Variants in CLIC5 observed in about 807,000 individuals in gnomAD.
CLIC5 encodes the protein CLIC family member 5.
CLIC5 carries 20 observed loss-of-function variants against 24.7 expected under a neutral mutation model. The observed-to-expected ratio is 0.81, with a 90% CI of 0.57 to 1.18. The LOEUF (loss-of-function observed/expected upper bound fraction) is 1.18. Among genes scored for constraint, CLIC5 ranks in the 50% most tolerant of loss-of-function variants. The pLI is 0.00. For missense variants in CLIC5, 341 were observed against 326.1 expected (o/e 1.05, Z -0.35); for synonymous variants, 159 against 135.6 (o/e 1.17, Z -1.20).
the CLIC5 span, among the ~76,000 whole-genome samples, chr6:46,098,401 GA>G: frequency 6.6e-6 from 1 of 152,182 alleles, no homozygotes; most frequent in South Asian, 2.1e-4. Context: ...ACTAGTAAAT[GA>G]AAATGCTACC....
At chr6:45,918,376 G>T (rs1763113093) in intron 4 of CLIC5, among the ~76,000 whole-genome samples, 1 of 152,174 alleles carries the variant, frequency 6.6e-6, no homozygotes, top group Admixed American at 6.5e-5. Context: ...GGGGACTGGG[G>T]AGCCAAGACT....
chr6:46,026,476 C>T (rs967855699), intron 1 of CLIC5, among the ~76,000 whole-genome samples: 4 of 152,048 alleles, frequency 2.6e-5, no homozygotes, highest in African/African-American at 4.8e-5. Flanking sequence ...GCTTTGATTC[C>T]GTTTTTGTCA....
chr6:46,001,520 C>G (rs1352783195), intron 1 of CLIC5, among the ~76,000 whole-genome samples: 1 of 152,122 alleles, frequency 6.6e-6, no homozygotes, highest in Non-Finnish European at 1.5e-5. Flanking sequence ...CTTCAGGCCA[C>G]AGTCCTTCCA....
upstream of CLIC5, among the ~76,000 whole-genome samples, chr6:46,020,634 T>C (rs1467669562): frequency 6.6e-6 from 1 of 151,866 alleles, no homozygotes; most frequent in Admixed American, 6.6e-5. Context: ...TCAATAATAC[T>C]AGAGGCTGGT....
the CLIC5 span, among the ~76,000 whole-genome samples, chr6:46,112,612 C>G: frequency 6.6e-6 from 1 of 152,284 alleles, no homozygotes; most frequent in Non-Finnish European, 1.5e-5. Flanking sequence ...ATTGTATACA[C>G]TTATTAGTAA....
the CLIC5 span, among the ~76,000 whole-genome samples, chr6:46,126,423 T>C: frequency 1.9e-4 from 29 of 152,362 alleles, no homozygotes; most frequent in South Asian, 5.4e-3. Context: ...CACAGCTTTA[T>C]TAAATATTTG....
chr6:45,906,119 T>C (rs1762652970), intron 5 of CLIC5, among the ~76,000 whole-genome samples: 1 of 152,242 alleles, frequency 6.6e-6, no homozygotes, highest in Admixed American at 6.5e-5. Flanking sequence ...TGTAGCCTTA[T>C]AGTGCAGTTT....
Position 46,015,629 on chromosome 6 carries a change from C to G in CLIC5, c.-87G>C. The G allele has an allele frequency of 3.6e-6, 5 of 1,391,018 alleles. No individual in the cohort carries two copies. In the South Asian group the frequency reaches 6.3e-5, roughly 18 times the overall value. 86.2% of individuals were successfully genotyped at this position (1,391,018 alleles called of 1,614,324 possible). ...CCAGCACTCTGCGCTCCTGCCGCTG[C>G]CCAGCGGGGCTCCTCTTCAGGGCGG... On this transcript the variant is annotated 5_prime_UTR_variant, in exon 1 of 6. Coordinates refer to ENST00000339561, the MANE Select transcript of CLIC5 (RefSeq NM_016929.5).
At chr6:46,057,757 C>G (rs2127468616) in intron 1 of CLIC5, among the ~76,000 whole-genome samples, 1 of 152,304 alleles carries the variant, frequency 6.6e-6, no homozygotes, top group Non-Finnish European at 1.5e-5. Context: ...GCCAGGTGCC[C>G]TCATATGTGG....
chr6:46,021,093 A>AC (rs980622383), intron 1 of CLIC5, among the ~76,000 whole-genome samples: 4 of 150,424 alleles, frequency 2.7e-5, no homozygotes, highest in African/African-American at 4.9e-5. Flanking sequence ...CAACTCAAAA[A>AC]AAAAAAAAAA....
At chr6:45,912,595 A>G (rs1317937794) in intron 5 of CLIC5, 4 of 1,449,772 alleles carry the variant, frequency 2.8e-6, no homozygotes, top group South Asian at 1.3e-5. Flanking sequence ...AATTCCAAAA[A>G]GATTAAATGA....
intron 1 of CLIC5, among the ~76,000 whole-genome samples, chr6:45,986,834 A>G (rs1765760585): frequency 6.6e-6 from 1 of 152,176 alleles, no homozygotes; most frequent in Admixed American, 6.5e-5. Context: ...GGGTCACTTA[A>G]TTGCTTTGAT....
chr6:46,129,471 G>A, the CLIC5 span: 1 of 152,230 alleles, frequency 6.6e-6, no homozygotes, highest in Non-Finnish European at 1.5e-5. Flanking sequence ...CGCAGGCACT[G>A]TGCTGCTTTT....
intron 1 of CLIC5, among the ~76,000 whole-genome samples, chr6:45,957,044 G>A (rs1406079542): frequency 1.3e-5 from 2 of 152,038 alleles, no homozygotes; most frequent in Non-Finnish European, 2.9e-5. Flanking sequence ...AAGACATCCC[G>A]ACACAGGAAG....
chr6:46,072,964 A>G (rs1762655809), intron 1 of CLIC5, among the ~76,000 whole-genome samples: 1 of 152,212 alleles, frequency 6.6e-6, no homozygotes, highest in Non-Finnish European at 1.5e-5. Flanking sequence ...TTCCCAGGCT[A>G]GGAATGCCGA....
rs1241100609 is a variant in CLIC5, at chr6:45,955,211, G to A, written c.97C>T (p.Pro33Ser). Reference protein sequence around the residue: ...GIDGESIGNCPFSQRLFMILW... With the variant: ...GIDGESIGNCSFSQRLFMILW... ...ATCATGAAGAGGCGCTGAGAGAAAGGACAGTTGCCGATGCTTTCTCCATCG... is the reference window on the plus strand; with the variant it reads ...ATCATGAAGAGGCGCTGAGAGAAAGAACAGTTGCCGATGCTTTCTCCATCG... Residue 33 changes from proline (P) to serine (S), a missense_variant, in exon 2 of 6, where the codon CCT becomes TCT. Physicochemically the swap from Pro to Ser is moderately conservative, Grantham distance 74. Transcript: ENST00000339561. 2 of 1,613,964 alleles carry A rather than the reference G, an allele frequency of 1.2e-6. No homozygotes were observed. The highest frequency in any genetic ancestry group is 1.7e-6 in the Non-Finnish European group (2 of 1,179,840).
At chr6:46,028,863 T>C (rs1188242641) in intron 1 of CLIC5, among the ~76,000 whole-genome samples, 1 of 152,200 alleles carries the variant, frequency 6.6e-6, no homozygotes, top group African/African-American at 2.4e-5. Flanking sequence ...CTTGGTATTA[T>C]ACATTCCATA....
chr6:46,101,706 A>G, the CLIC5 span, among the ~76,000 whole-genome samples: 3 of 152,324 alleles, frequency 2.0e-5, no homozygotes, highest in East Asian at 5.8e-4. Context: ...ATGGAACTTC[A>G]GCAGGAGTGA....
At chr6:45,942,583 C>G (rs1764170630) in intron 3 of CLIC5, among the ~76,000 whole-genome samples, 1 of 152,240 alleles carries the variant, frequency 6.6e-6, no homozygotes, top group African/African-American at 2.4e-5. Flanking sequence ...TCTGTGATCT[C>G]TGGGTGAATC....
Sources: allele counts gnomAD v4.1 joint callset (sites outside exome capture counted in the v4.1 genomes callset), GRCh38; gene constraint gnomAD v4.1.1; transcripts MANE v1.5; gene names NCBI Gene and HGNC (gene_info 2026-07-23, HGNC 2026-07-21).